The following PITPNB variants were observed in gnomAD, a reference collection of about 807,000 sequenced individuals.
The protein encoded by PITPNB is phosphatidylinositol transfer protein beta, also known as phosphatidylinositol transfer protein beta isoform.
PITPNB carries 16 observed loss-of-function variants against 45.9 expected under a neutral mutation model. That is an observed-to-expected ratio of 0.35 (90% CI 0.24 to 0.53). The LOEUF is 0.53. Ranked by LOEUF, PITPNB falls within the 20% of genes least tolerant of loss-of-function variation. The probability of loss-of-function intolerance (pLI) is 0.93; values close to 1 mark genes in which losing one functional copy is unlikely to be tolerated. For missense variants in PITPNB, 188 were observed against 330.5 expected (o/e 0.57, Z 3.34); for synonymous variants, 112 against 108.9 (o/e 1.03, Z -0.18).
chr22:27,868,562 G>A (rs1934551866), intron 8 of PITPNB, among the ~76,000 whole-genome samples: 1 of 152,184 alleles, frequency 6.6e-6, no homozygotes, highest in Non-Finnish European at 1.5e-5. Flanking sequence ...GGCTGTTCTA[G>A]AATGAGTCTA....
At chr22:27,857,108 C>G (rs1934195998) in intron 10 of PITPNB, among the ~76,000 whole-genome samples, 1 of 152,036 alleles carries the variant, frequency 6.6e-6, no homozygotes, top group Non-Finnish European at 1.5e-5. Context: ...TCCCTATATC[C>G]AGAACTCAGA....
intron 3 of PITPNB, among the ~76,000 whole-genome samples, chr22:27,898,603 TC>T (rs1458730579): frequency 6.6e-6 from 1 of 152,132 alleles, no homozygotes; most frequent in Non-Finnish European, 1.5e-5. Flanking sequence ...AGGAGATATC[TC>T]TGAATAAAAG....
intron 11 of PITPNB, among the ~76,000 whole-genome samples, chr22:27,854,617 G>A (rs1228404236): frequency 6.6e-6 from 1 of 152,220 alleles, no homozygotes; most frequent in Admixed American, 6.5e-5. Context: ...CCTGGCAGCT[G>A]GGTTCTAACC....
chr22:27,873,747 G>A lies in PITPNB; in HGVS notation c.525C>T (p.Pro175=). 1 of 1,604,314 alleles carries A rather than the reference G, an allele frequency of 6.2e-7. No homozygotes were observed. Among genetic ancestry groups the A allele is most frequent in the Non-Finnish European group, 8.5e-7 (1 of 1,171,128 alleles). ...SVKTKRGPLG[P]NWKKELANSP... ...GGTCAGCATCCAGTACCTTCCAGTTGGGTCCCAAAGGGCCTCTCTTGGTCT... is the reference window on the plus strand; with the variant it reads ...GGTCAGCATCCAGTACCTTCCAGTTAGGTCCCAAAGGGCCTCTCTTGGTCT... The change falls in exon 8 of 12, where the codon CCC becomes CCT. Residue 175 remains proline, a synonymous_variant. Coordinates refer to ENST00000335272, the MANE Select transcript of PITPNB (RefSeq NM_012399.5).
chr22:27,896,701 C>A, intron 5 of PITPNB, 75 bp from the exon 6 acceptor site: 1 of 918,492 alleles, frequency 1.1e-6, no homozygotes. Context: ...GGGAGCTTTT[C>A]CCAGTATAGG....
At chr22:27,884,329 G>C (rs1935056306) in intron 7 of PITPNB, among the ~76,000 whole-genome samples, 1 of 152,238 alleles carries the variant, frequency 6.6e-6, no homozygotes, top group Non-Finnish European at 1.5e-5. Flanking sequence ...AGGCACATGA[G>C]AGTAACAACT....
intron 8 of PITPNB, among the ~76,000 whole-genome samples, chr22:27,861,129 G>A (rs1367247394): frequency 1.3e-5 from 2 of 151,028 alleles, no homozygotes; most frequent in Non-Finnish European, 2.9e-5. Flanking sequence ...TCAGGAGTTC[G>A]AGACCAGCCT....
chr22:27,910,638 G>A (rs755376748), intron 3 of PITPNB: 9 of 193,626 alleles, frequency 4.6e-5, no homozygotes, highest in African/African-American at 1.6e-4. Flanking sequence ...GTAATACATC[G>A]CTATGTTTTA....
chr22:27,857,662 G>C (rs1934210965), intron 10 of PITPNB, among the ~76,000 whole-genome samples: 1 of 152,132 alleles, frequency 6.6e-6, no homozygotes, highest in Admixed American at 6.5e-5. Context: ...TCACCCATGG[G>C]GCCTTACTGC....
At chr22:27,859,075 T>G (rs1425855383) in intron 9 of PITPNB, among the ~76,000 whole-genome samples, 2 of 152,202 alleles carry the variant, frequency 1.3e-5, no homozygotes, top group African/African-American at 2.4e-5. Context: ...TGATGGATTA[T>G]TTAAGTTTTA....
chr22:27,914,218 GA>G, intron 2 of PITPNB, 98 bp downstream of exon 2: 1 of 752,642 alleles, frequency 1.3e-6, no homozygotes, highest in Non-Finnish European at 2.4e-6. Context: ...AAGGTGGAAT[GA>G]AAAGGTAAAT....
chr22:27,881,197 GACA>G (rs1376002572), intron 7 of PITPNB, among the ~76,000 whole-genome samples: 3 of 152,280 alleles, frequency 2.0e-5, no homozygotes, highest in Middle Eastern at 3.4e-3. Flanking sequence ...AAAAGACCTT[GACA>G]ACAGTCTGTT....
Position 27,876,286 on chromosome 22 carries a change from C to T in PITPNB, c.457-2471G>A, listed in dbSNP as rs147324554. 6.8e-3 allele frequency among the ~76,000 whole-genome samples: 1,030 copies of T among 152,242 alleles called. 7 individuals carry two copies. Among genetic ancestry groups the T allele is most frequent in the African/African-American group, 0.023 (935 of 41,538 alleles). On this transcript the variant is annotated intron_variant, in intron 7 of 11. Coordinates refer to ENST00000335272, the MANE Select transcript of PITPNB (RefSeq NM_012399.5). ...CACTAGAGATATCAAAGTGGATTTT[C>T]CTATGAAGTACAACTGTGTGTATGT... is the stretch of plus-strand genomic sequence containing the variant.
At chr22:27,862,050 G>A (rs929849036) in intron 8 of PITPNB, among the ~76,000 whole-genome samples, 2 of 152,080 alleles carry the variant, frequency 1.3e-5, no homozygotes, top group African/African-American at 2.4e-5. Flanking sequence ...CTTCACCACT[G>A]TCCCTGTCTT....
At chr22:27,882,696 G>C (rs2146380001) in intron 7 of PITPNB, among the ~76,000 whole-genome samples, 1 of 152,344 alleles carries the variant, frequency 6.6e-6, no homozygotes, top group East Asian at 1.9e-4. Flanking sequence ...ATTAGTCTTT[G>C]AACTTTGACT....
At chr22:27,864,614 C>T (rs981811189) in intron 8 of PITPNB, among the ~76,000 whole-genome samples, 1 of 152,136 alleles carries the variant, frequency 6.6e-6, no homozygotes, top group African/African-American at 2.4e-5. Flanking sequence ...GCCTTCCATA[C>T]GATGGGCTAT....
chr22:27,894,494 A>G, intron 7 of PITPNB, 61 bp downstream of exon 7: 1 of 886,682 alleles, frequency 1.1e-6, no homozygotes, highest in Non-Finnish European at 1.9e-6. Flanking sequence ...CAAATGTGAT[A>G]GTAGAAAATA....
chr22:27,883,049 T>C (rs1490365623), intron 7 of PITPNB, among the ~76,000 whole-genome samples: 2 of 152,224 alleles, frequency 1.3e-5, no homozygotes. Flanking sequence ...ATTGCACATA[T>C]GCGAACTTCA....
At chr22:27,881,767 C>A (rs988585647) in intron 7 of PITPNB, among the ~76,000 whole-genome samples, 6 of 152,218 alleles carry the variant, frequency 3.9e-5, no homozygotes, top group African/African-American at 1.4e-4. Flanking sequence ...ACCAAAAGGA[C>A]TGCTGACCAT....
Sources: allele counts gnomAD v4.1 joint callset (sites outside exome capture counted in the v4.1 genomes callset), GRCh38; gene constraint gnomAD v4.1.1; transcripts MANE v1.5; gene names NCBI Gene and HGNC (gene_info 2026-07-23, HGNC 2026-07-21).